The following NPHP4 variants were observed in gnomAD, a reference collection of about 807,000 sequenced individuals.
NPHP4 encodes the protein nephrocystin-4.
Under a neutral mutation model 155.8 loss-of-function variants are expected in NPHP4, and 151 were observed. The ratio of observed to expected loss-of-function variants is 0.97; its 90% confidence interval spans 0.85 to 1.11. NPHP4 has a LOEUF of 1.11. NPHP4 is among the 50% of genes least tolerant of loss of function. NPHP4 has a pLI of 0.00. For missense variants in NPHP4, 1,956 were observed against 1,925.7 expected, an observed-to-expected ratio of 1.02 and a Z score of -0.29; for synonymous variants, 845 against 816.8, an observed-to-expected ratio of 1.03 and a Z score of -0.59.
At chr1:5,955,962 T>C (rs948620084) in intron 6 of NPHP4, among the ~76,000 whole-genome samples, 14 of 147,010 alleles carry the variant, frequency 9.5e-5, no homozygotes, top group Middle Eastern at 7.2e-3. Context: ...TGATCTACTC[T>C]ACAACACATA....
intron 16 of NPHP4, among the ~76,000 whole-genome samples, chr1:5,896,886 A>G (rs1451130832): frequency 1.3e-5 from 2 of 152,166 alleles, no homozygotes; most frequent in East Asian, 3.9e-4. Context: ...GAAAGGCCGG[A>G]AGGGCTCCCG....
intron 2 of NPHP4, among the ~76,000 whole-genome samples, chr1:5,979,942 A>G (rs1654377970): frequency 6.6e-6 from 1 of 152,094 alleles, no homozygotes; most frequent in African/African-American, 2.4e-5. Context: ...TGTGTCTGAC[A>G]TGAAAACCAA....
At chr1:5,958,219 C>G (rs1421265138) in intron 6 of NPHP4, among the ~76,000 whole-genome samples, 1 of 152,238 alleles carries the variant, frequency 6.6e-6, no homozygotes, top group East Asian at 1.9e-4. Flanking sequence ...AACTGACAAG[C>G]TGCATTGGCA....
At chr1:5,907,542 G>C (rs1644970718) in intron 12 of NPHP4, among the ~76,000 whole-genome samples, 1 of 152,242 alleles carries the variant, frequency 6.6e-6, no homozygotes, top group South Asian at 2.1e-4. Context: ...CTGCCTCTCT[G>C]TCCCTTGCCA....
chr1:5,903,259 C>T (rs934553339), intron 16 of NPHP4, among the ~76,000 whole-genome samples: 2 of 152,180 alleles, frequency 1.3e-5, no homozygotes, highest in African/African-American at 4.8e-5. Flanking sequence ...CTTGAGGCTA[C>T]GTATGTTAGA....
chr1:5,912,537 CAA>C (rs752371714), intron 11 of NPHP4, among the ~76,000 whole-genome samples: 12 of 77,888 alleles, frequency 1.5e-4, no homozygotes, highest in Non-Finnish European at 3.5e-4. Context: ...GACTCCGTCT[CAA>C]AAAAAAAAAA....
In NPHP4 at chr1:5,913,844, C is replaced by T. The variant is rs145095236; in HGVS notation, c.1442-4631G>A. On this transcript the variant is annotated intron_variant, in intron 11 of 29. Transcript: ENST00000378156. ...CCCAGAATTCCTCCTTCCTCCACCCCGAAGGAGATCATTCTATACATAACG... is the reference window on the plus strand; with the variant it reads ...CCCAGAATTCCTCCTTCCTCCACCCTGAAGGAGATCATTCTATACATAACG... 5.5e-3 allele frequency among the ~76,000 whole-genome samples: 844 copies of T among 152,288 alleles called. 9 individuals carry two copies. The highest frequency in any genetic ancestry group is 0.018 in the African/African-American group (747 of 41,550).
chr1:5,952,557 C>CT, intron 7 of NPHP4, 143 bp downstream of exon 7: 1 of 95,808 alleles, frequency 1.0e-5, no homozygotes, highest in Non-Finnish European at 2.3e-5. Flanking sequence ...GGGGTCTCCC[C>CT]TGCCCCACCC....
In NPHP4 at chr1:5,967,207, C is replaced by G. The variant is rs552330279; in HGVS notation, c.517+92G>C. ...TTAGCTAAGCAGATAGCAGTTTACA[C>G]TGAGAAAGATCCCATTCAGAGCTAA... On this transcript the variant is annotated intron_variant, in intron 5 of 29. Transcript: ENST00000378156. The G allele has an allele frequency of 2.0e-5, 20 of 1,005,080 alleles. No individual in the cohort carries two copies. In the East Asian group the frequency reaches 5.0e-4, roughly 25 times the overall value. 62.3% of individuals were successfully genotyped at this position (1,005,080 alleles called of 1,614,324 possible).
chr1:5,886,989 G>A, intron 18 of NPHP4: 1 of 358,054 alleles, frequency 2.8e-6, no homozygotes, highest in Non-Finnish European at 5.1e-6. Flanking sequence ...CCCAGTCACT[G>A]TATTTGAGGA....
intron 7 of NPHP4, among the ~76,000 whole-genome samples, chr1:5,949,847 C>T (rs1163930402): frequency 2.6e-5 from 4 of 152,080 alleles, no homozygotes; most frequent in Non-Finnish European, 5.9e-5. Flanking sequence ...GTAGGGAAAC[C>T]AGCAAAGACC....
chr1:5,947,055 C>A, intron 9 of NPHP4, 49 bp downstream of exon 9: 1 of 1,609,098 alleles, frequency 6.2e-7, no homozygotes, highest in African/African-American at 1.3e-5. Flanking sequence ...TATCCTCACA[C>A]ACAGAGTTCA....
chr1:5,876,376 G>A, intron 20 of NPHP4: 1 of 152,816 alleles, frequency 6.5e-6, no homozygotes, highest in Non-Finnish European at 1.5e-5. Context: ...ATCAGGCCAG[G>A]CCTCCTCACC....
chr1:5,891,064 T>G, intron 16 of NPHP4, 36 bp from the exon 17 acceptor site: 2 of 1,438,194 alleles, frequency 1.4e-6, no homozygotes, highest in Non-Finnish European at 1.9e-6. Context: ...CAAAAGTAAT[T>G]GGAGTCATTC....
intron 19 of NPHP4, 155 bp from the exon 20 acceptor site, chr1:5,877,453 T>C: frequency 2.0e-6 from 1 of 506,640 alleles, no homozygotes; most frequent in Non-Finnish European, 3.5e-6. Flanking sequence ...AGTTCTGAGA[T>C]CCAGATAAAG....
chr1:5,971,216 C>T (rs971952140), intron 3 of NPHP4, among the ~76,000 whole-genome samples: 12 of 152,218 alleles, frequency 7.9e-5, no homozygotes, highest in African/African-American at 2.9e-4. Flanking sequence ...CTATGCCTCT[C>T]CCTTCTGTTT....
Position 5,890,783 on chromosome 1 carries a change from T to C in NPHP4, c.2304+85A>G, listed in dbSNP as rs757238237. ...TCCTGTGCGGGATAGCGCCCGCTCC[T>C]TCCAAGCAGACAGACGCTGGAAGCG... On this transcript the variant is annotated intron_variant, in intron 17 of 29. Coordinates refer to ENST00000378156, the MANE Select transcript of NPHP4 (RefSeq NM_015102.5). This position sits in a 1 kb window ranked among gnomAD's most constrained non-coding sequence, Gnocchi z 4.9. 7.2e-7 allele frequency: 1 copy of C among 1,396,118 alleles called. No homozygotes were observed. The highest frequency in any genetic ancestry group is 9.9e-7 in the Non-Finnish European group (1 of 1,013,006). The allele number at this position is 1,396,118 out of a possible 1,614,324, so 86.5% of individuals were successfully genotyped here.
chr1:5,973,248 T>A (rs564247812), intron 3 of NPHP4, among the ~76,000 whole-genome samples: 1 of 152,318 alleles, frequency 6.6e-6, no homozygotes, highest in South Asian at 2.1e-4. Flanking sequence ...TTGTCTGAAG[T>A]CCCACTGGGA....
chr1:5,964,941 A>G lies in NPHP4; in HGVS notation c.517+2358T>C, dbSNP rs6670542. Reference sequence around the variant, plus strand: ...ATTATATATATATATATATATATATATTTTTTTTTTTTGAGGCAGGGTCTC... The same window carrying G: ...ATTATATATATATATATATATATATGTTTTTTTTTTTTGAGGCAGGGTCTC... On this transcript the variant is annotated intron_variant, in intron 5 of 29. Transcript: ENST00000378156. Among the ~76,000 whole-genome samples the G allele has an allele frequency of 1.5e-4, 9 of 59,418 alleles. No individual in the cohort carries two copies. In the South Asian group the frequency reaches 4.7e-3, roughly 31 times the overall value. 39.0% of individuals were successfully genotyped at this position (59,418 alleles called of 152,430 possible).
Sources: gnomAD v4.1 joint callset for allele counts (sites outside exome capture counted in the v4.1 genomes callset) on GRCh38, gnomAD v4.1.1 for gene constraint, Gnocchi (gnomAD v3.1) non-coding constraint, MANE v1.5 for transcripts, NCBI Gene and HGNC (gene_info 2026-07-23, HGNC 2026-07-21) for gene names.